The following FOXP1 variants were observed in gnomAD, a reference collection of about 807,000 sequenced individuals.
FOXP1 encodes forkhead box P1, also known as forkhead box protein P1.
Under a neutral mutation model 98.2 loss-of-function variants are expected in FOXP1, and 15 were observed. That is an observed-to-expected ratio of 0.15 (90% confidence interval 0.10 to 0.24). The LOEUF (loss-of-function observed/expected upper bound fraction) is 0.24. Ranked by LOEUF, FOXP1 falls within the 10% of genes least tolerant of loss-of-function variation. The probability of loss-of-function intolerance (pLI) is 1.00; values close to 1 mark genes in which losing one functional copy is unlikely to be tolerated. For synonymous variants in FOXP1, 371 were observed against 314.5 expected (o/e 1.18, Z -1.90); for missense variants, 633 against 848.5 (o/e 0.75, Z 3.15).
intron 3 of FOXP1, among the ~76,000 whole-genome samples, chr3:71,421,692 C>G (rs926667839): frequency 6.6e-6 from 1 of 152,152 alleles, no homozygotes; most frequent in Non-Finnish European, 1.5e-5. Flanking sequence ...CTCAGGACCT[C>G]CTGACCAAAG....
chr3:71,198,434 G>GAAAA lies in FOXP1; in HGVS notation c.-11-46_-11-43dup. ...CAAGATGGGGGGAGGGAGGGGGGGA[G>GAAAA]AAAAAAAAAGCAGCTGTTAAAGCAG... On this transcript the variant is annotated intron_variant, in intron 5 of 20. Coordinates refer to ENST00000649528, the MANE Select transcript of FOXP1 (RefSeq NM_001349338.3). The GAAAA allele has an allele frequency of 5.0e-6, 3 of 605,000 alleles. No homozygotes were observed. The Admixed American group carries it at 6.9e-5, about 14-fold the overall frequency. 37.5% of individuals were successfully genotyped at this position (605,000 alleles called of 1,614,324 possible).
At chr3:71,047,849 G>A (rs2049241083) in intron 9 of FOXP1, among the ~76,000 whole-genome samples, 1 of 152,298 alleles carries the variant, frequency 6.6e-6, no homozygotes, top group East Asian at 1.9e-4. Context: ...TTTACGATAT[G>A]ATAAATATCT....
intron 5 of FOXP1, among the ~76,000 whole-genome samples, chr3:71,208,536 T>TTCTGTGTGTGTGTGTGTGTGTG (rs10529764): frequency 9.7e-4 from 145 of 149,454 alleles, no homozygotes; most frequent in African/African-American, 3.4e-3. Flanking sequence ...GCATTTAAGT[T>TTCTGTGTGTGTGTGTGTGTGTG]TGTGTGTGTG....
intron 5 of FOXP1, among the ~76,000 whole-genome samples, chr3:71,214,083 G>A (rs2064723011): frequency 6.6e-6 from 1 of 150,512 alleles, no homozygotes; most frequent in South Asian, 2.2e-4. Flanking sequence ...TGGTGATAAA[G>A]CGTACTTAGG....
chr3:71,568,733 G>C (rs1402000424), intron 2 of FOXP1, among the ~76,000 whole-genome samples: 1 of 151,396 alleles, frequency 6.6e-6, no homozygotes, highest in Non-Finnish European at 1.5e-5. Context: ...TGCAACCTCT[G>C]CCTCCCCGGT....
intron 3 of FOXP1, among the ~76,000 whole-genome samples, chr3:71,370,232 T>C (rs188629524): frequency 3.3e-5 from 5 of 151,424 alleles, no homozygotes; most frequent in African/African-American, 9.8e-5. Flanking sequence ...CAGGGCCAAA[T>C]AGATTGAGTA....
intron 5 of FOXP1, among the ~76,000 whole-genome samples, chr3:71,290,978 G>C (rs1388753344): frequency 6.6e-6 from 1 of 152,164 alleles, no homozygotes; most frequent in Non-Finnish European, 1.5e-5. Flanking sequence ...GCTCTCTTTA[G>C]AATAGGCTAC....
intron 4 of FOXP1, among the ~76,000 whole-genome samples, chr3:71,342,550 G>A (rs1057081588): frequency 3.3e-5 from 5 of 151,922 alleles, no homozygotes; most frequent in East Asian, 1.9e-4. Context: ...AAAATTAGCC[G>A]GTCGTGGTGG....
intron 5 of FOXP1, among the ~76,000 whole-genome samples, chr3:71,238,433 TG>T (rs543440482): frequency 2.0e-5 from 3 of 151,234 alleles, no homozygotes; most frequent in Non-Finnish European, 2.9e-5. Context: ...TAAAGGGGTG[TG>T]GGGGGGTGTG....
chr3:71,228,228 A>C (rs2065993808), intron 5 of FOXP1, among the ~76,000 whole-genome samples: 1 of 152,200 alleles, frequency 6.6e-6, no homozygotes, highest in African/African-American at 2.4e-5. Context: ...GTTTAGTGAC[A>C]AGAGATTTGG....
chr3:71,581,355 G>A, intron 2 of FOXP1, 194 bp downstream of exon 2: 1 of 985,450 alleles, frequency 1.0e-6, no homozygotes, highest in Non-Finnish European at 1.2e-6. Context: ...AGAAAGAGGG[G>A]AAAAGGGTGG....
chr3:71,328,284 A>G (rs1321869122), intron 4 of FOXP1, among the ~76,000 whole-genome samples: 1 of 152,148 alleles, frequency 6.6e-6, no homozygotes, highest in Non-Finnish European at 1.5e-5. Context: ...TAAAAAATAA[A>G]AATTTAAAAA....
rs990893776 is a variant in FOXP1 at position 71,419,964 on chromosome 3, G to A, written c.-167-60720C>T. On this transcript the variant is annotated intron_variant, in intron 3 of 20. Transcript: ENST00000649528. Reference sequence around the variant, plus strand: ...TGAGTAGCTGGGATTACAGGCGCCCGCCACCACACCCCCAGCTAATTTTTG... The same window carrying A: ...TGAGTAGCTGGGATTACAGGCGCCCACCACCACACCCCCAGCTAATTTTTG... Among the ~76,000 whole-genome samples the A allele has an allele frequency of 1.9e-4, 29 of 151,932 alleles. No homozygotes were observed. In the East Asian group the frequency reaches 4.7e-3, roughly 24 times the overall value.
chr3:71,271,830 T>G (rs2070387981), intron 5 of FOXP1, among the ~76,000 whole-genome samples: 1 of 152,246 alleles, frequency 6.6e-6, no homozygotes, highest in Non-Finnish European at 1.5e-5. Flanking sequence ...TCACTGGGCT[T>G]AAGTCCAAAG....
chr3:71,343,705 T>C lies in FOXP1; in HGVS notation c.-73+15445A>G, dbSNP rs185657928. Reference sequence around the variant, plus strand: ...ACAGGTGTGTACCACCACACCTGACTAATTTTTGTAGAGATGCGATTTCAC... The same window carrying C: ...ACAGGTGTGTACCACCACACCTGACCAATTTTTGTAGAGATGCGATTTCAC... On this transcript the variant is annotated intron_variant, in intron 4 of 20. Transcript: ENST00000649528. Among the ~76,000 whole-genome samples the C allele has an allele frequency of 6.9e-3, 1,056 of 152,184 alleles. 30 individuals are homozygous for C. The highest frequency in any genetic ancestry group is 4.1e-3 in the Non-Finnish European group (281 of 68,000).
intron 11 of FOXP1, among the ~76,000 whole-genome samples, chr3:71,018,697 G>A (rs1576201517): frequency 6.6e-6 from 1 of 152,132 alleles, no homozygotes; most frequent in South Asian, 2.1e-4. Context: ...GAGGTGCCTC[G>A]ATAGCATCTT....
intron 11 of FOXP1, among the ~76,000 whole-genome samples, chr3:71,019,595 C>T (rs763383255): frequency 6.6e-6 from 1 of 152,048 alleles, no homozygotes; most frequent in East Asian, 1.9e-4. Flanking sequence ...TTTGGGAGGC[C>T]GCAGTGTGTG....
chr3:71,333,419 C>T (rs934007892), intron 4 of FOXP1: 1 of 152,084 alleles, frequency 6.6e-6, no homozygotes, highest in African/African-American at 2.4e-5. Flanking sequence ...AACAGAATAA[C>T]ATCTTACACA....
At chr3:71,211,024 G>A (rs1244056770) in intron 5 of FOXP1, among the ~76,000 whole-genome samples, 2 of 152,112 alleles carry the variant, frequency 1.3e-5, no homozygotes, top group Non-Finnish European at 2.9e-5. Context: ...AATCATAATT[G>A]AGTCCTGGAG....
Sources: allele counts gnomAD v4.1 joint callset (sites outside exome capture counted in the v4.1 genomes callset), GRCh38; gene constraint gnomAD v4.1.1; transcripts MANE v1.5; gene names NCBI Gene and HGNC (gene_info 2026-07-23, HGNC 2026-07-21).